Variants in PWWP2A observed in about 807,000 individuals in gnomAD.
PWWP2A encodes PWWP domain-containing protein 2A.
PWWP2A carries 18 observed loss-of-function variants against 48.5 expected under a neutral mutation model. That is an observed-to-expected ratio of 0.37 (90% CI 0.26 to 0.55). The LOEUF (loss-of-function observed/expected upper bound fraction) is 0.55. PWWP2A is among the 20% of genes least tolerant of loss of function. The pLI, the probability that PWWP2A is intolerant of heterozygous loss-of-function variation, is 0.81. For synonymous variants in PWWP2A, 396 were observed against 387.7 expected, an observed-to-expected ratio of 1.02 and a Z score of -0.25; for missense variants, 867 against 976.4, an observed-to-expected ratio of 0.89 and a Z score of 1.49.
downstream of PWWP2A, chr5:160,090,774 T>C (rs1754997463): frequency 5.2e-6 from 5 of 967,746 alleles, no homozygotes; most frequent in Non-Finnish European, 6.1e-6. Flanking sequence ...TCTAAAAGTA[T>C]TGAAATTAGA....
chr5:160,049,626 A>AGAT, the PWWP2A span: 1 of 1,601,040 alleles, frequency 6.2e-7, no homozygotes. Context: ...TATTAGAAAA[A>AGAT]GATCCATCAA....
At chr5:160,049,730 TAATC>T in the PWWP2A span, 1 of 1,273,014 alleles carries the variant, frequency 7.9e-7, no homozygotes, top group Non-Finnish European at 1.0e-6. Flanking sequence ...GAGTCCTAAA[TAATC>T]CTTTCAGACA....
chr5:160,083,376 A>G (rs2113480951), intron 2 of PWWP2A, among the ~76,000 whole-genome samples: 1 of 152,342 alleles, frequency 6.6e-6, no homozygotes, highest in East Asian at 1.9e-4. Context: ...ACACAGTTCA[A>G]GGCGTTGGAA....
At chr5:160,086,054 G>A (rs1754612098) in intron 2 of PWWP2A, among the ~76,000 whole-genome samples, 1 of 148,084 alleles carries the variant, frequency 6.8e-6, no homozygotes, top group South Asian at 2.2e-4. Context: ...CCTTAACTCA[G>A]GTGATCCGCC....
At chr5:160,086,088 G>T (rs1754614615) in intron 2 of PWWP2A, among the ~76,000 whole-genome samples, 1 of 152,142 alleles carries the variant, frequency 6.6e-6, no homozygotes, top group African/African-American at 2.4e-5. Context: ...CAAAGTGCTG[G>T]GATTACAGAA....
rs1210143841 is a variant in PWWP2A at position 160,091,950 on chromosome 5, G to C, written c.*432C>G. 1 of 966,106 alleles carries C rather than the reference G, an allele frequency of 1.0e-6. No individual in the cohort carries two copies. The highest frequency in any genetic ancestry group is 1.2e-4 in the East Asian group (1 of 8,542). 59.8% of individuals were successfully genotyped at this position (966,106 alleles called of 1,614,324 possible). A position where few individuals can be genotyped will look rare whatever the true frequency, so the allele number is the denominator to read the frequency against. ...TGCAATCTGTGTCACACAGTGACAG[G>C]CTGTATTTCATATATATATATGTGT... On this transcript the variant is annotated 3_prime_UTR_variant, in exon 2 of 2. Coordinates refer to ENST00000307063, the MANE Select transcript of PWWP2A (RefSeq NM_001130864.2).
the PWWP2A span, among the ~76,000 whole-genome samples, chr5:160,049,109 T>G: frequency 6.6e-6 from 1 of 152,202 alleles, no homozygotes. Flanking sequence ...CTGCCACCTG[T>G]TTTTGATAGC....
At chr5:160,109,772 AAAATATATATAT>A (rs1397129004) in intron 1 of PWWP2A, among the ~76,000 whole-genome samples, 289 of 27,836 alleles carry the variant, frequency 0.01, no homozygotes, top group African/African-American at 0.022. Context: ...AAAAAAAAAA[AAAATATATATAT>A]ATATATATAT....
intron 2 of PWWP2A, among the ~76,000 whole-genome samples, chr5:160,068,211 T>C (rs74295156): frequency 0.07 from 10,618 of 152,228 alleles, 452 homozygotes; most frequent in African/African-American, 0.12. Flanking sequence ...ATGCTCCCCC[T>C]AACCCACCAC....
At chr5:160,045,483 C>T in the PWWP2A span, among the ~76,000 whole-genome samples, 379 of 119,562 alleles carry the variant, frequency 3.2e-3, 8 homozygotes, top group African/African-American at 0.012. Context: ...CACACACACA[C>T]ACACACACAC....
downstream of PWWP2A, among the ~76,000 whole-genome samples, chr5:160,088,012 T>G (rs990921489): frequency 6.6e-6 from 1 of 152,208 alleles, no homozygotes; most frequent in African/African-American, 2.4e-5. Flanking sequence ...ACAAAGCATA[T>G]TACTATTAGC....
At chr5:160,091,208 A>T (rs1755028656), downstream of PWWP2A, 1 of 972,256 alleles carries the variant, frequency 1.0e-6, no homozygotes, top group South Asian at 4.8e-5. Flanking sequence ...TATCTCAGAT[A>T]ATATATTCCC....
chr5:160,103,426 T>G (rs970336179), intron 1 of PWWP2A, among the ~76,000 whole-genome samples: 8 of 152,056 alleles, frequency 5.3e-5, no homozygotes, highest in Admixed American at 1.3e-4. Context: ...AAATAAAATG[T>G]TTAAAAAACA....
At chr5:160,109,264 A>G (rs756596192) in intron 1 of PWWP2A, among the ~76,000 whole-genome samples, 12 of 151,936 alleles carry the variant, frequency 7.9e-5, no homozygotes, top group Non-Finnish European at 1.2e-4. Flanking sequence ...GATTACAGTC[A>G]TGATCCACTG....
Position 160,108,072 on chromosome 5 carries a change from T to C in PWWP2A, c.584+10733A>G, listed in dbSNP as rs147274282. ...CATAGTTTGTGTATAACACATCTAG[T>C]GTATAAAATATATTTTTAAGTTTTA... On this transcript the variant is annotated intron_variant, in intron 1 of 1. Coordinates refer to ENST00000307063, the MANE Select transcript of PWWP2A (RefSeq NM_001130864.2). 4.2e-4 allele frequency among the ~76,000 whole-genome samples: 64 copies of C among 152,264 alleles called. 1 individual carries two copies. In the East Asian group the frequency reaches 8.7e-3, roughly 21 times the overall value.
chr5:160,069,344 G>C (rs1391078944), intron 2 of PWWP2A, among the ~76,000 whole-genome samples: 1 of 152,150 alleles, frequency 6.6e-6, no homozygotes, highest in Admixed American at 6.5e-5. Flanking sequence ...GTGGGAGACA[G>C]AGACAACAGC....
chr5:160,053,564 T>TA, the PWWP2A span, among the ~76,000 whole-genome samples: 18 of 151,338 alleles, frequency 1.2e-4, no homozygotes, highest in East Asian at 2.5e-3. Context: ...ACCTTGTCTT[T>TA]AAAAAAAAAG....
intron 1 of PWWP2A, among the ~76,000 whole-genome samples, chr5:160,099,979 T>C (rs1756091139): frequency 1.3e-5 from 2 of 151,846 alleles, no homozygotes; most frequent in African/African-American, 4.8e-5. Context: ...GCCAAAATTT[T>C]AAGGGGGAAG....
chr5:160,053,209 A>G, the PWWP2A span, among the ~76,000 whole-genome samples: 1 of 152,204 alleles, frequency 6.6e-6, no homozygotes, highest in South Asian at 2.1e-4. Context: ...GTTCTGAGCA[A>G]GCTTTTCACA....
Sources: allele counts gnomAD v4.1 joint callset (sites outside exome capture counted in the v4.1 genomes callset), GRCh38; gene constraint gnomAD v4.1.1; transcripts MANE v1.5; gene names NCBI Gene and HGNC (gene_info 2026-07-23, HGNC 2026-07-21).